Variants in NAALADL2 observed in about 807,000 individuals in gnomAD.
NAALADL2 encodes inactive N-acetylated-alpha-linked acidic dipeptidase-like protein 2.
Under a neutral mutation model 87.2 loss-of-function variants are expected in NAALADL2, and 76 were observed. The ratio of observed to expected loss-of-function variants is 0.87; its 90% confidence interval spans 0.72 to 1.05. The LOEUF is 1.05. NAALADL2 is among the 50% of genes least tolerant of loss of function. NAALADL2 has a pLI of 0.00. For missense variants in NAALADL2, 1,089 were observed against 945.8 expected (o/e 1.15, Z -1.99); for synonymous variants, 354 against 331.0 (o/e 1.07, Z -0.75).
At chr3:175,751,119 C>T (rs1746570826) in intron 12 of NAALADL2, among the ~76,000 whole-genome samples, 1 of 151,840 alleles carries the variant, frequency 6.6e-6, no homozygotes, top group African/African-American at 2.4e-5. Flanking sequence ...CATGTTCTAC[C>T]ATACTATAAA....
At chr3:174,780,763 A>T (rs1425957339) in intron 3 of NAALADL2, among the ~76,000 whole-genome samples, 3 of 151,806 alleles carry the variant, frequency 2.0e-5, no homozygotes, top group Non-Finnish European at 2.9e-5. Flanking sequence ...TCATTGGGGC[A>T]TTTAGCCAAT....
rs1560361338 is a variant in NAALADL2, at chr3:175,324,168, C to A, written c.940-7C>A. 1 of 1,611,706 alleles carries A rather than the reference C, an allele frequency of 6.2e-7. No homozygotes were observed. The highest frequency in any genetic ancestry group is 1.7e-5 in the Admixed American group (1 of 59,620). ...AATATTTTTAATAGCTTGCTTCCCT[C>A]TTTTAGCTTTCCTCATTGGAAAAGG... On this transcript the variant is annotated splice_region_variant and splice_polypyrimidine_tract_variant and intron_variant, in intron 4 of 13. Coordinates refer to ENST00000454872, the MANE Select transcript of NAALADL2 (RefSeq NM_207015.3).
At chr3:175,666,326 G>A (rs979086383) in intron 11 of NAALADL2, among the ~76,000 whole-genome samples, 6 of 152,082 alleles carry the variant, frequency 3.9e-5, no homozygotes, top group African/African-American at 1.4e-4. Flanking sequence ...CAGGTTCCTA[G>A]AGTCATCAAT....
At chr3:174,661,013 A>C (rs755547063) in intron 2 of NAALADL2, among the ~76,000 whole-genome samples, 9 of 152,208 alleles carry the variant, frequency 5.9e-5, no homozygotes, top group Non-Finnish European at 1.3e-4. Context: ...ATTGATGGTT[A>C]TTTAATAGGG....
At chr3:174,994,211 G>C (rs918884617) in intron 1 of NAALADL2, among the ~76,000 whole-genome samples, 1 of 152,192 alleles carries the variant, frequency 6.6e-6, no homozygotes, top group African/African-American at 2.4e-5. Flanking sequence ...TCTGTTATCT[G>C]AGTGTCATTG....
At chr3:175,727,779 C>T (rs562889419) in intron 11 of NAALADL2, among the ~76,000 whole-genome samples, 7 of 152,178 alleles carry the variant, frequency 4.6e-5, no homozygotes, top group Non-Finnish European at 1.0e-4. Flanking sequence ...GGAAGCAAGG[C>T]CTTTGGCAAG....
At chr3:175,450,419 A>G (rs1046728539) in intron 6 of NAALADL2, among the ~76,000 whole-genome samples, 1 of 152,184 alleles carries the variant, frequency 6.6e-6, no homozygotes, top group Non-Finnish European at 1.5e-5. Flanking sequence ...CAAGTTGGAA[A>G]TGGGCACATT....
At chr3:175,523,165 G>A (rs1246730701) in intron 9 of NAALADL2, among the ~76,000 whole-genome samples, 1 of 152,190 alleles carries the variant, frequency 6.6e-6, no homozygotes, top group Non-Finnish European at 1.5e-5. Flanking sequence ...TCAAATAGGG[G>A]TGATGTTGCC....
At chr3:174,748,491 C>A (rs1384841502) in intron 3 of NAALADL2, among the ~76,000 whole-genome samples, 1 of 152,040 alleles carries the variant, frequency 6.6e-6, no homozygotes, top group Non-Finnish European at 1.5e-5. Context: ...AAATCCATTT[C>A]AAACCTCTGG....
intron 2 of NAALADL2, among the ~76,000 whole-genome samples, chr3:174,710,812 T>G (rs9831971): frequency 0.014 from 2,070 of 152,280 alleles, 57 homozygotes; most frequent in African/African-American, 0.048. Flanking sequence ...ATGAAATGCA[T>G]TTTTTCCTAG....
intron 1 of NAALADL2, among the ~76,000 whole-genome samples, chr3:174,496,393 C>T (rs1226854459): frequency 1.3e-5 from 2 of 151,726 alleles, no homozygotes; most frequent in African/African-American, 4.8e-5. Flanking sequence ...TAGGGGTTCA[C>T]TTTTCCTTTG....
intron 1 of NAALADL2, among the ~76,000 whole-genome samples, chr3:175,066,049 C>T (rs1714482111): frequency 6.6e-6 from 1 of 152,162 alleles, no homozygotes; most frequent in Non-Finnish European, 1.5e-5. Flanking sequence ...TTAGCCCCTT[C>T]AGTGTCTGTA....
intron 11 of NAALADL2, among the ~76,000 whole-genome samples, chr3:175,697,444 TATG>T (rs1737979702): frequency 7.4e-6 from 1 of 135,922 alleles, no homozygotes; most frequent in Non-Finnish European, 1.6e-5. Flanking sequence ...AAACCCTACT[TATG>T]AGGGTGTATT....
rs1715871868 is a variant in NAALADL2 at position 174,456,847 on chromosome 3, G to A, written c.-184+15815G>A. 2.0e-5 allele frequency among the ~76,000 whole-genome samples: 3 copies of A among 151,980 alleles called. No homozygotes were observed. In the South Asian group the frequency reaches 6.2e-4, roughly 31 times the overall value. On this transcript the variant is annotated intron_variant, in intron 1 of 3. Coordinates refer to the NAALADL2 transcript ENST00000434257. ...GATGAAGACACCAAAAGCAATTGCA[G>A]CAAAAGCAAAAAAGTGACAAAAGGA...
At chr3:175,791,675 T>C (rs188856820) in intron 13 of NAALADL2, among the ~76,000 whole-genome samples, 70 of 152,296 alleles carry the variant, frequency 4.6e-4, no homozygotes, top group African/African-American at 1.6e-3. Flanking sequence ...AATATCCTTA[T>C]ACCTAGTTTC....
At chr3:175,359,418 C>T (rs1764735922) in intron 5 of NAALADL2, among the ~76,000 whole-genome samples, 1 of 152,072 alleles carries the variant, frequency 6.6e-6, no homozygotes, top group African/African-American at 2.4e-5. Context: ...CAACAAGCCA[C>T]TCCTTTGTGT....
intron 10 of NAALADL2, among the ~76,000 whole-genome samples, chr3:175,623,894 G>A (rs1211128764): frequency 1.3e-5 from 2 of 151,048 alleles, no homozygotes; most frequent in Non-Finnish European, 3.0e-5. Flanking sequence ...TGTTTTTGAG[G>A]CATAAGCTAA....
At chr3:175,712,243 TC>T (rs1480739631) in intron 11 of NAALADL2, among the ~76,000 whole-genome samples, 1 of 152,046 alleles carries the variant, frequency 6.6e-6, no homozygotes, top group East Asian at 1.9e-4. Context: ...TGTCCTTTCT[TC>T]CCTATTGACA....
intron 1 of NAALADL2, among the ~76,000 whole-genome samples, chr3:175,080,643 A>C (rs1717623244): frequency 6.6e-6 from 1 of 152,176 alleles, no homozygotes; most frequent in African/African-American, 2.4e-5. Flanking sequence ...AGTTTTCCTA[A>C]ACATTTTGCA....
Sources: gnomAD v4.1 joint callset for allele counts (sites outside exome capture counted in the v4.1 genomes callset) on GRCh38, gnomAD v4.1.1 for gene constraint, MANE v1.5 for transcripts, NCBI Gene and HGNC (gene_info 2026-07-23, HGNC 2026-07-21) for gene names.